RANBP17: variants seen among roughly 807,000 people sequenced by gnomAD.
RANBP17 encodes RAN binding protein 17, also known as ran-binding protein 17.
RANBP17 carries 158 observed loss-of-function variants against 141.2 expected under a neutral mutation model. The observed-to-expected ratio is 1.12, with a 90% confidence interval of 0.98 to 1.28. RANBP17 has a LOEUF of 1.28. RANBP17 is among the 50% of genes most tolerant of loss of function. The pLI is 0.00. For synonymous variants in RANBP17, 430 were observed against 450.0 expected, an observed-to-expected ratio of 0.96 and a Z score of 0.56; for missense variants, 1,438 against 1,290.7, an observed-to-expected ratio of 1.11 and a Z score of -1.75.
intron 14 of RANBP17, among the ~76,000 whole-genome samples, chr5:171,051,754 A>T (rs1383447983): frequency 6.6e-6 from 1 of 152,168 alleles, no homozygotes; most frequent in Non-Finnish European, 1.5e-5. Context: ...GGGTATATAC[A>T]TAAAAGTAGA....
intron 14 of RANBP17, among the ~76,000 whole-genome samples, chr5:171,020,117 T>C (rs1365859096): frequency 6.6e-6 from 1 of 152,226 alleles, no homozygotes; most frequent in Non-Finnish European, 1.5e-5. Flanking sequence ...CTAATTTGAT[T>C]GCACTGTGGC....
At chr5:170,948,786 AT>A (rs201323719) in intron 12 of RANBP17, among the ~76,000 whole-genome samples, 12 of 151,460 alleles carry the variant, frequency 7.9e-5, no homozygotes, top group African/African-American at 2.7e-4. Flanking sequence ...GAAGACTCAT[AT>A]TTTTTTTTAT....
chr5:171,162,774 G>A (rs1759440473), intron 14 of RANBP17, among the ~76,000 whole-genome samples: 1 of 152,060 alleles, frequency 6.6e-6, no homozygotes, highest in African/African-American at 2.4e-5. Flanking sequence ...GCCCCTACTG[G>A]GAGAGGGGAT....
rs188697716 is a variant in RANBP17, at chr5:171,113,076, A to G, written c.1711-57054A>G. ...TTTCTTTCTTTCTTCCTGCTTCCCC[A>G]TATAGCATGTGTACAGCATAATTGT... On this transcript the variant is annotated intron_variant, in intron 14 of 27. Coordinates refer to ENST00000523189, the MANE Select transcript of RANBP17 (RefSeq NM_022897.5). Among the ~76,000 whole-genome samples, 188 of 152,290 alleles carry G rather than the reference A, an allele frequency of 1.2e-3. 4 individuals are homozygous for G. The East Asian group carries it at 0.033, about 27-fold the overall frequency.
intron 14 of RANBP17, among the ~76,000 whole-genome samples, chr5:171,167,359 AAG>A (rs1442601671): frequency 6.6e-6 from 1 of 152,228 alleles, no homozygotes; most frequent in Non-Finnish European, 1.5e-5. Context: ...TGCCATAAAA[AAG>A]GCATTTATAA....
intron 24 of RANBP17, among the ~76,000 whole-genome samples, chr5:171,250,523 A>G (rs569272322): frequency 1.3e-5 from 2 of 152,232 alleles, no homozygotes; most frequent in Non-Finnish European, 2.9e-5. Flanking sequence ...TAAATTATCC[A>G]GTTAAAAAGA....
intron 14 of RANBP17, among the ~76,000 whole-genome samples, chr5:171,013,322 G>T (rs891928042): frequency 6.6e-6 from 1 of 152,092 alleles, no homozygotes; most frequent in African/African-American, 2.4e-5. Context: ...TGATCCAGCC[G>T]ACTTTCCTAT....
chr5:170,936,483 T>C (rs1370009182), intron 12 of RANBP17, among the ~76,000 whole-genome samples: 1 of 152,160 alleles, frequency 6.6e-6, no homozygotes, highest in African/African-American at 2.4e-5. Flanking sequence ...TCTTTGTTCT[T>C]TGTGATTTAT....
intron 5 of RANBP17, among the ~76,000 whole-genome samples, chr5:170,899,336 T>C (rs942279027): frequency 2.6e-5 from 4 of 152,232 alleles, no homozygotes; most frequent in Non-Finnish European, 5.9e-5. Flanking sequence ...TATTGGTGTA[T>C]AGGAATGCTT....
rs550767399 is a variant in RANBP17 at position 170,906,727 on chromosome 5, G to A, written c.490-2934G>A. Among the ~76,000 whole-genome samples the A allele has an allele frequency of 2.2e-4, 33 of 151,868 alleles. No individual in the cohort carries two copies. The South Asian group carries it at 6.9e-3, about 32-fold the overall frequency. On this transcript the variant is annotated intron_variant, in intron 5 of 27. Coordinates refer to ENST00000523189, the MANE Select transcript of RANBP17 (RefSeq NM_022897.5). ...TTATAATTCATTGCTAACATTATTT[G>A]TTTTGTTGCTCAGATTTTCCAAGAT...
intron 21 of RANBP17, among the ~76,000 whole-genome samples, chr5:171,218,688 T>G (rs1763372171): frequency 6.6e-6 from 1 of 152,190 alleles, no homozygotes. Flanking sequence ...TCTTTGTGGG[T>G]TTAAAGTCTG....
intron 14 of RANBP17, among the ~76,000 whole-genome samples, chr5:171,083,319 C>T (rs1785379775): frequency 6.6e-6 from 1 of 152,080 alleles, no homozygotes; most frequent in South Asian, 2.1e-4. Context: ...TGCCAAAAAG[C>T]TAGCCCACTC....
chr5:171,157,573 G>A (rs562324737), intron 14 of RANBP17, among the ~76,000 whole-genome samples: 9 of 152,264 alleles, frequency 5.9e-5, no homozygotes, highest in African/African-American at 2.2e-4. Context: ...AAACAATGTG[G>A]CAACATATTT....
intron 14 of RANBP17, among the ~76,000 whole-genome samples, chr5:171,029,923 G>A (rs1270220935): frequency 6.6e-6 from 1 of 151,886 alleles, no homozygotes; most frequent in African/African-American, 2.4e-5. Flanking sequence ...TAATGACATT[G>A]TGTGCATTTG....
intron 1 of RANBP17, among the ~76,000 whole-genome samples, chr5:170,872,111 G>C (rs1323869594): frequency 6.6e-6 from 1 of 152,182 alleles, no homozygotes; most frequent in Non-Finnish European, 1.5e-5. Context: ...ACTTTGGGCA[G>C]TATATCCATT....
chr5:171,283,253 C>T (rs891705520), intron 25 of RANBP17, among the ~76,000 whole-genome samples: 1 of 152,174 alleles, frequency 6.6e-6, no homozygotes, highest in Non-Finnish European at 1.5e-5. Context: ...TGTGTATCTC[C>T]TCCCCTACTC....
intron 14 of RANBP17, among the ~76,000 whole-genome samples, chr5:171,026,107 AC>A (rs34972338): frequency 6.6e-6 from 1 of 152,130 alleles, no homozygotes; most frequent in East Asian, 1.9e-4. Flanking sequence ...TTATCACAAA[AC>A]CCCTGTAATT....
At position 170,955,138 on chromosome 5, in the gene RANBP17, G is replaced by A. The variant is rs537330872; in HGVS notation, c.1574+1436G>A. On this transcript the variant is annotated intron_variant, in intron 13 of 27. Transcript: ENST00000523189. ...CACACCACCCCAAACCCCATCCATGGAAACATTGTCTTCCAGGAAACTGGT... is the reference window on the plus strand; with the variant it reads ...CACACCACCCCAAACCCCATCCATGAAAACATTGTCTTCCAGGAAACTGGT... Among the ~76,000 whole-genome samples, 5 of 152,238 alleles carry A rather than the reference G, an allele frequency of 3.3e-5. No individual in the cohort carries two copies. The South Asian group carries it at 1.0e-3, about 32-fold the overall frequency.
intron 25 of RANBP17, among the ~76,000 whole-genome samples, chr5:171,289,321 G>T (rs1008675945): frequency 1.3e-5 from 2 of 152,180 alleles, no homozygotes; most frequent in African/African-American, 4.8e-5. Flanking sequence ...CCAGCCATCA[G>T]ATTCTAGACC....
Sources: gnomAD v4.1 joint callset for allele counts (sites outside exome capture counted in the v4.1 genomes callset) on GRCh38, gnomAD v4.1.1 for gene constraint, MANE v1.5 for transcripts, NCBI Gene and HGNC (gene_info 2026-07-23, HGNC 2026-07-21) for gene names.